WDR35: variants seen among roughly 807,000 people sequenced by gnomAD.
The protein encoded by WDR35 is WD repeat-containing protein 35.
In WDR35, 118 loss-of-function variants were observed where a neutral mutation model predicts 158.3. The ratio of observed to expected loss-of-function variants is 0.75; its 90% CI spans 0.64 to 0.87. The LOEUF is 0.87. WDR35 is among the 40% of genes least tolerant of loss of function. The pLI is 0.00. For synonymous variants in WDR35, 448 were observed against 476.1 expected (o/e 0.94, Z 0.77); for missense variants, 1,263 against 1,405.8 (o/e 0.90, Z 1.62).
At chr2:19,950,305 T>C (rs954862221) in intron 13 of WDR35, among the ~76,000 whole-genome samples, 1 of 128,708 alleles carries the variant, frequency 7.8e-6, no homozygotes, top group Non-Finnish European at 1.7e-5. Context: ...GTAGATCAAA[T>C]AATATAAAGA....
chr2:19,960,488 G>A, intron 11 of WDR35, 66 bp downstream of exon 11: 2 of 1,318,818 alleles, frequency 1.5e-6, no homozygotes, highest in South Asian at 1.2e-5. Context: ...ACCAGTGTTA[G>A]GTTTTTAAAT....
At chr2:19,947,744 C>A (rs1224303605) in intron 14 of WDR35, among the ~76,000 whole-genome samples, 1 of 152,080 alleles carries the variant, frequency 6.6e-6, no homozygotes, top group Non-Finnish European at 1.5e-5. Flanking sequence ...ATCTGCCCCA[C>A]CACCATGCAA....
At chr2:19,964,381 C>CTT (rs558586617) in intron 10 of WDR35, among the ~76,000 whole-genome samples, 2,582 of 113,400 alleles carry the variant, frequency 0.023, 74 homozygotes, top group African/African-American at 0.029. Flanking sequence ...CTTTTCTTTT[C>CTT]TTTTTTTTTT....
At chr2:19,989,027 A>T in intron 2 of WDR35, 138 bp downstream of exon 2, 1 of 829,672 alleles carries the variant, frequency 1.2e-6, no homozygotes. Flanking sequence ...ATACTCCAGA[A>T]AAACACCATA....
At chr2:19,948,282 C>T (rs1671121425) in intron 13 of WDR35, 65 bp from the exon 14 acceptor site, 5 of 1,411,532 alleles carry the variant, frequency 3.5e-6, no homozygotes, top group Non-Finnish European at 4.0e-6. Context: ...CCTGGTACAA[C>T]GTAGTATGCA....
At chr2:19,946,022 G>A (rs1394904989) in intron 15 of WDR35, 26 bp from the exon 16 acceptor site, 1 of 1,603,506 alleles carries the variant, frequency 6.2e-7, no homozygotes, top group Non-Finnish European at 8.5e-7. Context: ...TTAGAGAAAA[G>A]GAAAAAACTA....
At chr2:19,923,067 T>C (rs926795703) in intron 25 of WDR35, among the ~76,000 whole-genome samples, 2 of 152,208 alleles carry the variant, frequency 1.3e-5, no homozygotes, top group Non-Finnish European at 2.9e-5. Flanking sequence ...GTTAATCAAA[T>C]ATCTATAGAA....
At chr2:19,960,475 A>G in intron 11 of WDR35, 79 bp downstream of exon 11, 1 of 1,151,032 alleles carries the variant, frequency 8.7e-7, no homozygotes, top group Non-Finnish European at 1.3e-6. Context: ...TCTAATTAAT[A>G]ATACCAGTGT....
Position 19,969,499 on chromosome 2 carries a change from T to G in WDR35, c.989A>C (p.Asn330Thr). The G allele has an allele frequency of 6.2e-7, 1 of 1,613,082 alleles. No individual in the cohort carries two copies. The highest frequency in any genetic ancestry group is 8.5e-7 in the Non-Finnish European group (1 of 1,179,282). ...ATTTACCTTATAATTAGGTCGAATG[T>G]TTGCAAAATATATAAAGGAATCAAC... ...LAVDSFIYFANIRPNYKWGYC... is the reference protein window; with the variant it reads ...LAVDSFIYFATIRPNYKWGYC... The change falls in exon 9 of 27, where the codon AAC becomes ACC. Residue 330 changes from asparagine to threonine, a missense_variant. Asn to Thr is a moderately conservative substitution (Grantham distance 65). Transcript: ENST00000281405.
chr2:19,929,304 A>C (rs1380471008), intron 25 of WDR35, among the ~76,000 whole-genome samples: 1 of 152,252 alleles, frequency 6.6e-6, no homozygotes, highest in Non-Finnish European at 1.5e-5. Context: ...TTCAAATAAA[A>C]GAATTTCTCT....
At chr2:19,923,466 TGAG>T (rs1038917520) in intron 25 of WDR35, among the ~76,000 whole-genome samples, 10 of 152,176 alleles carry the variant, frequency 6.6e-5, no homozygotes, top group African/African-American at 2.4e-4. Context: ...ACACTGATGA[TGAG>T]GAGGAAGGAG....
At chr2:19,962,414 T>A in intron 10 of WDR35, 1 of 1,340,354 alleles carries the variant, frequency 7.5e-7, no homozygotes, top group Non-Finnish European at 1.1e-6. Context: ...TGAAAGTGGC[T>A]TATATACAAA....
chr2:19,924,960 A>C (rs1194498447), intron 25 of WDR35, among the ~76,000 whole-genome samples: 2 of 152,260 alleles, frequency 1.3e-5, no homozygotes, highest in African/African-American at 4.8e-5. Flanking sequence ...TCTAAGTTTA[A>C]TAAAGATGGG....
intron 25 of WDR35, among the ~76,000 whole-genome samples, chr2:19,924,767 A>C (rs1670305025): frequency 6.6e-6 from 1 of 152,188 alleles, no homozygotes; most frequent in Admixed American, 6.5e-5. Context: ...GGCAGGACTA[A>C]GAGTGGATAA....
Position 19,937,910 on chromosome 2 carries a change from A to T in WDR35, c.2100T>A (p.Asp700Glu). 1 of 1,614,130 alleles carries T rather than the reference A, an allele frequency of 6.2e-7. No individual in the cohort carries two copies. The highest frequency in any genetic ancestry group is 8.5e-7 in the Non-Finnish European group (1 of 1,180,006). The change falls in exon 19 of 27, where the codon GAT becomes GAA. Residue 700 changes from aspartate (D) to glutamate (E), a missense_variant. Coordinates refer to ENST00000281405, the MANE Select transcript of WDR35 (RefSeq NM_020779.4). ...CAAATGCTTGCTCTGCAGTGTATAG[A>T]TCCAGTTTCTGAAGAGCTGCTTCAG... ...LLAEAALQKL[D>E]LYTAEQAFVR...
chr2:19,973,691 T>C lies in WDR35; in HGVS notation c.754A>G (p.Thr252Ala), dbSNP rs1284846435. ...TGGATGCCTACTACGTACATGCCAG[T>C]GTCAATCAAAACGGGATCTAGTCAG... ...ENDQNPVLIDTGMYVVGIQWN... is the reference protein window; with the variant it reads ...ENDQNPVLIDAGMYVVGIQWN... The change falls in exon 8 of 27, where the codon ACT becomes GCT. Residue 252 changes from threonine (T) to alanine (A), a missense_variant. By Grantham distance (58) the Thr-to-Ala change is moderately conservative. Transcript: ENST00000281405. 2 of 1,613,940 alleles carry C rather than the reference T, an allele frequency of 1.2e-6. No individual in the cohort carries two copies. Among genetic ancestry groups the C allele is most frequent in the Admixed American group, 1.7e-5 (1 of 59,984 alleles).
intron 22 of WDR35, 46 bp from the exon 23 acceptor site, chr2:19,932,493 A>C: frequency 6.2e-7 from 1 of 1,609,608 alleles, no homozygotes; most frequent in Non-Finnish European, 8.5e-7. Flanking sequence ...ATTTACAGTC[A>C]CATATATCAT....
intron 5 of WDR35, among the ~76,000 whole-genome samples, chr2:19,978,260 A>C (rs2103460070): frequency 6.6e-6 from 1 of 152,218 alleles, no homozygotes; most frequent in African/African-American, 2.4e-5. Flanking sequence ...TTTTAAAATA[A>C]ATTATTTATC....
At chr2:19,940,567 A>G (rs1572332694) in intron 17 of WDR35, among the ~76,000 whole-genome samples, 2 of 152,162 alleles carry the variant, frequency 1.3e-5, no homozygotes, top group Admixed American at 1.3e-4. Context: ...ATCCTAGGTA[A>G]TAACAGCCCA....
Sources: gnomAD v4.1 joint callset for allele counts (sites outside exome capture counted in the v4.1 genomes callset) on GRCh38, gnomAD v4.1.1 for gene constraint, MANE v1.5 for transcripts, NCBI Gene and HGNC (gene_info 2026-07-23, HGNC 2026-07-21) for gene names.